RGMA: variants seen among roughly 807,000 people sequenced by gnomAD.
The protein encoded by RGMA is repulsive guidance molecule BMP co-receptor a.
Under a neutral mutation model 23.2 loss-of-function variants are expected in RGMA, and 10 were observed. The ratio of observed to expected loss-of-function variants is 0.43; its 90% CI spans 0.27 to 0.73. The LOEUF is 0.73. Among genes scored for constraint, RGMA ranks in the 30% least tolerant of loss-of-function variants. The probability of loss-of-function intolerance (pLI) is 0.20; values close to 1 mark genes in which losing one functional copy is unlikely to be tolerated. For missense variants in RGMA, 547 were observed against 630.5 expected, an observed-to-expected ratio of 0.87 and a Z score of 1.42; for synonymous variants, 308 against 279.3, an observed-to-expected ratio of 1.10 and a Z score of -1.03.
intron 1 of RGMA, chr15:93,074,177 A>G: frequency 3.6e-6 from 1 of 274,208 alleles, no homozygotes. Context: ...TCCTCCCGCC[A>G]CCCTCCTCAC....
At chr15:93,060,259 A>G (rs2055081027) in intron 2 of RGMA, among the ~76,000 whole-genome samples, 1 of 152,238 alleles carries the variant, frequency 6.6e-6, no homozygotes, top group South Asian at 2.1e-4. Context: ...TCAGAGACAC[A>G]GACACAGAGC....
intron 2 of RGMA, among the ~76,000 whole-genome samples, chr15:93,059,038 A>C (rs1019097581): frequency 1.8e-4 from 28 of 152,108 alleles, no homozygotes; most frequent in African/African-American, 6.8e-4. Context: ...GAGGGCAAGA[A>C]TTTTGATCGT....
intron 3 of RGMA, among the ~76,000 whole-genome samples, chr15:93,049,294 G>A (rs1037776555): frequency 3.9e-5 from 6 of 152,240 alleles, no homozygotes; most frequent in Admixed American, 6.5e-5. Flanking sequence ...AGATCCCTAT[G>A]CTTCAGGGGG....
At chr15:93,057,407 C>G (rs2055031630) in intron 2 of RGMA, among the ~76,000 whole-genome samples, 1 of 152,106 alleles carries the variant, frequency 6.6e-6, no homozygotes. Flanking sequence ...TAAGCGTTCT[C>G]TCTCTCTCCC....
At chr15:93,066,039 C>A in intron 2 of RGMA, 1 of 1,508,124 alleles carries the variant, frequency 6.6e-7, no homozygotes, top group Non-Finnish European at 9.2e-7. Context: ...CTGAAGGGAT[C>A]TCTGCCACCA....
intron 3 of RGMA, among the ~76,000 whole-genome samples, chr15:93,047,024 C>T (rs948106777): frequency 2.0e-5 from 3 of 152,226 alleles, no homozygotes; most frequent in Admixed American, 6.5e-5. Flanking sequence ...CTCAATTTTC[C>T]GGATGAGAAA....
At chr15:93,051,939 C>T (rs1418379461) in intron 3 of RGMA, 54 bp downstream of exon 3, 4 of 1,513,176 alleles carry the variant, frequency 2.6e-6, no homozygotes, top group East Asian at 2.4e-5. Flanking sequence ...AGTGTCCACG[C>T]AGGGCAGAGA....
intron 3 of RGMA, among the ~76,000 whole-genome samples, chr15:93,050,096 G>C (rs2054893429): frequency 6.6e-6 from 1 of 152,226 alleles, no homozygotes; most frequent in Non-Finnish European, 1.5e-5. Flanking sequence ...TCTCTGGACA[G>C]AGCCAAGGCT....
chr15:93,087,521 G>C (rs1895658426), intron 1 of RGMA, among the ~76,000 whole-genome samples: 1 of 143,672 alleles, frequency 7.0e-6, no homozygotes, highest in South Asian at 2.2e-4. Context: ...TTCTGTTCCT[G>C]CACAAATGGG....
chr15:93,049,780 GC>G (rs1015651745), intron 3 of RGMA, among the ~76,000 whole-genome samples: 1 of 152,236 alleles, frequency 6.6e-6, no homozygotes, highest in Non-Finnish European at 1.5e-5. Flanking sequence ...CTGAGGAGAG[GC>G]CCTCAAGGGC....
chr15:93,076,120 G>C (rs1035232817), intron 1 of RGMA, among the ~76,000 whole-genome samples: 13 of 152,208 alleles, frequency 8.5e-5, no homozygotes, highest in Admixed American at 2.6e-4. Context: ...CAAACAAACA[G>C]CCCCATAGAG....
intron 1 of RGMA, chr15:93,073,290 G>C (rs938161045): frequency 3.8e-6 from 3 of 789,496 alleles, no homozygotes; most frequent in East Asian, 5.2e-5. Context: ...CAGCGAGGCC[G>C]GCGAGGTAGC....
chr15:93,063,124 G>C (rs1224133113), intron 2 of RGMA: 1 of 152,244 alleles, frequency 6.6e-6, no homozygotes, highest in African/African-American at 2.4e-5. Flanking sequence ...GATGGAGGCA[G>C]GCGGAGGGAA....
intron 1 of RGMA, chr15:93,088,409 G>A (rs1307482047): frequency 1.0e-6 from 1 of 985,590 alleles, no homozygotes; most frequent in African/African-American, 1.7e-5. Context: ...CTTCCCGTAC[G>A]CCGGCGCGCC....
intron 1 of RGMA, chr15:93,073,560 C>A (rs1895411582): frequency 2.0e-6 from 3 of 1,527,650 alleles, no homozygotes; most frequent in Non-Finnish European, 2.6e-6. Flanking sequence ...AATCCCAGCC[C>A]TACTTTCCAA....
chr15:93,064,356 G>C (rs1397211950), intron 2 of RGMA, among the ~76,000 whole-genome samples: 1 of 152,252 alleles, frequency 6.6e-6, no homozygotes, highest in African/African-American at 2.4e-5. Context: ...GAGCACTTTG[G>C]TCCTCCAGCT....
In RGMA at chr15:93,045,343, G is replaced by A. The variant is rs374254380; in HGVS notation, c.1008C>T (p.Gly336=). 11 of 1,612,582 alleles carry A rather than the reference G, an allele frequency of 6.8e-6. No individual in the cohort carries two copies. The African/African-American group carries it at 1.3e-4, about 20-fold the overall frequency. The change falls in exon 4 of 4, where the codon GGC becomes GGT. Residue 336 remains glycine, a synonymous_variant. Transcript: ENST00000329082. This position sits in a 1 kb window ranked among gnomAD's most constrained non-coding sequence, Gnocchi z 6.9. The part of the protein sequence containing the change: ...DFQAFHTNAE[G]TGARRLAAAS... Reference sequence around the variant, plus strand: ...CGGCTGCCAGCCTGCGGGCACCGGTGCCCTCAGCATTGGTGTGGAAGGCCT... The same window carrying A: ...CGGCTGCCAGCCTGCGGGCACCGGTACCCTCAGCATTGGTGTGGAAGGCCT...
At position 93,073,905 on chromosome 15, in the gene RGMA, CG is replaced by C. The variant is rs1895423901; in HGVS notation, c.15-875del. The C allele has an allele frequency of 2.1e-6, 3 of 1,442,904 alleles. No individual in the cohort carries two copies. In the South Asian group the frequency reaches 4.4e-5, roughly 21 times the overall value. 89.4% of individuals were successfully genotyped at this position (1,442,904 alleles called of 1,614,324 possible). ...TGCCACTCCAGAGAGATGGCTATGCCGGTCCGCGTGGCGCGCAGGGCCGGAT... is the reference window on the plus strand; with the variant it reads ...TGCCACTCCAGAGAGATGGCTATGCCGTCCGCGTGGCGCGCAGGGCCGGAT... On this transcript the variant is annotated intron_variant, in intron 1 of 3. Coordinates refer to ENST00000329082, the MANE Select transcript of RGMA (RefSeq NM_020211.3).
At chr15:93,059,158 A>C (rs1479453049) in intron 2 of RGMA, among the ~76,000 whole-genome samples, 1 of 152,110 alleles carries the variant, frequency 6.6e-6, no homozygotes, top group African/African-American at 2.4e-5. Flanking sequence ...TATGCTTTTC[A>C]AGATGCTTTT....
Sources: allele counts gnomAD v4.1 joint callset (sites outside exome capture counted in the v4.1 genomes callset), GRCh38; gene constraint gnomAD v4.1.1; non-coding constraint Gnocchi (gnomAD v3.1); transcripts MANE v1.5; gene names NCBI Gene and HGNC (gene_info 2026-07-23, HGNC 2026-07-21).